TMEM232: variants seen among roughly 807,000 people sequenced by gnomAD.
TMEM232 encodes the protein transmembrane protein 232.
TMEM232 carries 80 observed loss-of-function variants against 78.8 expected under a neutral mutation model. That is an observed-to-expected ratio of 1.01 (90% CI 0.85 to 1.22). TMEM232 has a LOEUF of 1.22. Among genes scored for constraint, TMEM232 ranks in the 50% most tolerant of loss-of-function variants. TMEM232 has a pLI of 0.00. For missense variants in TMEM232, 881 were observed against 742.2 expected (o/e 1.19, Z -2.17); for synonymous variants, 297 against 254.3 (o/e 1.17, Z -1.60).
chr5:110,651,716 G>A (rs551495143), intron 2 of TMEM232, among the ~76,000 whole-genome samples: 1 of 152,096 alleles, frequency 6.6e-6, no homozygotes, highest in Admixed American at 6.6e-5. Flanking sequence ...GGCACCAGCA[G>A]GAATGTGTGG....
At chr5:110,650,294 A>T (rs568042015) in intron 2 of TMEM232, among the ~76,000 whole-genome samples, 3 of 152,204 alleles carry the variant, frequency 2.0e-5, no homozygotes, top group African/African-American at 4.8e-5. Context: ...TTCTTCTAAT[A>T]AATTTTTATA....
chr5:110,665,944 C>G (rs1375395897), intron 2 of TMEM232, among the ~76,000 whole-genome samples: 1 of 151,640 alleles, frequency 6.6e-6, no homozygotes, highest in Non-Finnish European at 1.5e-5. Flanking sequence ...TGGCATGTGC[C>G]CGTGGTGCCA....
chr5:110,656,015 C>A (rs532909151), intron 2 of TMEM232, among the ~76,000 whole-genome samples: 1 of 151,588 alleles, frequency 6.6e-6, no homozygotes, highest in Non-Finnish European at 1.5e-5. Flanking sequence ...ATGAACTAAC[C>A]TGCACATTGT....
At chr5:110,577,779 C>G (rs1338683832) in intron 10 of TMEM232, among the ~76,000 whole-genome samples, 1 of 151,898 alleles carries the variant, frequency 6.6e-6, no homozygotes, top group Non-Finnish European at 1.5e-5. Flanking sequence ...AACAGAAAAC[C>G]AAATACTGCC....
At chr5:110,481,060 A>G (rs1478461077) in intron 12 of TMEM232, among the ~76,000 whole-genome samples, 2 of 152,078 alleles carry the variant, frequency 1.3e-5, no homozygotes, top group East Asian at 1.9e-4. Context: ...GATTTGATAA[A>G]CAGATATTTT....
In TMEM232 at chr5:110,640,940, T is replaced by C. The variant is rs1286520000; in HGVS notation, c.294A>G (p.Ala98=). 1.3e-6 allele frequency: 2 copies of C among 1,541,760 alleles called. No individual in the cohort carries two copies. The highest frequency in any genetic ancestry group is 1.8e-6 in the Non-Finnish European group (2 of 1,141,960). ...GAGCCAGATATATTACTTCAGTCCA[T>C]GCAGCAGGAAGATGCACATGCCTTC... ...GSGRHVHLPA[A]WTEVIYLAQC... Residue 98 remains alanine (A), a synonymous_variant, in exon 4 of 14, where the codon GCA becomes GCG. Transcript: ENST00000455884.
intron 8 of TMEM232, among the ~76,000 whole-genome samples, chr5:110,608,513 T>G (rs1188423282): frequency 1.3e-5 from 2 of 151,978 alleles, no homozygotes; most frequent in Non-Finnish European, 2.9e-5. Context: ...TGAATATATT[T>G]CATAATCAGA....
chr5:110,635,061 T>C (rs1261007156), intron 5 of TMEM232, among the ~76,000 whole-genome samples: 1 of 151,906 alleles, frequency 6.6e-6, no homozygotes, highest in Non-Finnish European at 1.5e-5. Context: ...TGTAAACAAC[T>C]ATACACTAAC....
chr5:110,406,265 T>TATATAC (rs369880810), intron 2 of TMEM232, among the ~76,000 whole-genome samples: 2 of 143,584 alleles, frequency 1.4e-5, no homozygotes, highest in African/African-American at 5.1e-5. Context: ...CAGATATATA[T>TATATAC]ACACACACAC....
chr5:110,514,885 T>C (rs765274879), intron 12 of TMEM232, among the ~76,000 whole-genome samples: 12 of 152,014 alleles, frequency 7.9e-5, no homozygotes, highest in South Asian at 2.1e-4. Flanking sequence ...AGTAGAGAGG[T>C]TCAAGGCCTA....
intron 1 of TMEM232, 184 bp from the exon 2 acceptor site, chr5:110,667,548 A>G: frequency 2.5e-6 from 1 of 402,180 alleles, no homozygotes; most frequent in South Asian, 4.4e-5. Flanking sequence ...ATAAGTACAA[A>G]AAGTTACTAT....
intron 11 of TMEM232, among the ~76,000 whole-genome samples, chr5:110,542,558 T>C (rs151317926): frequency 0.012 from 1,780 of 152,126 alleles, 13 homozygotes; most frequent in Non-Finnish European, 0.018. Flanking sequence ...CCAATAGGTA[T>C]GGACTAAGCC....
intron 10 of TMEM232, among the ~76,000 whole-genome samples, chr5:110,570,335 G>C (rs1463602746): frequency 6.6e-6 from 1 of 151,926 alleles, no homozygotes; most frequent in Non-Finnish European, 1.5e-5. Context: ...CAAATTTAAG[G>C]TTTTGGGGTT....
At chr5:110,400,028 A>C (rs993889814) in intron 2 of TMEM232, among the ~76,000 whole-genome samples, 6 of 152,174 alleles carry the variant, frequency 3.9e-5, no homozygotes, top group Non-Finnish European at 5.9e-5. Context: ...AGTTCCTGGC[A>C]TGTACATGCT....
At chr5:110,452,283 C>A (rs112115289) in intron 12 of TMEM232, among the ~76,000 whole-genome samples, 4 of 152,150 alleles carry the variant, frequency 2.6e-5, no homozygotes, top group South Asian at 2.1e-4. Context: ...ACAACTGATA[C>A]GATTTTTGTC....
intron 1 of TMEM232, among the ~76,000 whole-genome samples, chr5:110,693,430 A>G (rs1794379022): frequency 6.6e-6 from 1 of 152,242 alleles, no homozygotes; most frequent in African/African-American, 2.4e-5. Context: ...GCTCCTCACC[A>G]GCAACAGAAG....
In TMEM232 at chr5:110,420,405, CTAAGAAA is replaced by C. The variant is rs907883564; in HGVS notation, c.*168_*174del. On this transcript the variant is annotated 3_prime_UTR_variant, in exon 14 of 14. Transcript: ENST00000455884. ...TTAAAAGTTGGTCATTAATTTAGAA[CTAAGAAA>C]TAACTATTAAACAAACAGCTTGTAT... 6.3e-6 allele frequency: 3 copies of C among 478,776 alleles called. No individual in the cohort carries two copies. Among genetic ancestry groups the C allele is most frequent in the South Asian group, 9.0e-5 (2 of 22,346 alleles). 29.7% of individuals were successfully genotyped at this position (478,776 alleles called of 1,614,324 possible). A position where few individuals can be genotyped will look rare whatever the true frequency, so the allele number is the denominator to read the frequency against.
At chr5:110,671,231 T>C (rs545229432) in intron 1 of TMEM232, among the ~76,000 whole-genome samples, 1 of 152,258 alleles carries the variant, frequency 6.6e-6, no homozygotes, top group African/African-American at 2.4e-5. Flanking sequence ...ATGGTGATCA[T>C]TAAAAAGTCT....
intron 12 of TMEM232, among the ~76,000 whole-genome samples, chr5:110,499,831 G>A (rs1015311114): frequency 3.3e-5 from 5 of 151,874 alleles, no homozygotes; most frequent in African/African-American, 9.7e-5. Flanking sequence ...CTCTTTAATC[G>A]ATAAAATTTT....
Sources: allele counts gnomAD v4.1 joint callset (sites outside exome capture counted in the v4.1 genomes callset), GRCh38; gene constraint gnomAD v4.1.1; transcripts MANE v1.5; gene names NCBI Gene and HGNC (gene_info 2026-07-23, HGNC 2026-07-21).